AOAH: variants seen among roughly 807,000 people sequenced by gnomAD.
The protein encoded by AOAH is acyloxyacyl hydrolase (neutrophil).
Under a neutral mutation model 92.2 loss-of-function variants are expected in AOAH, and 64 were observed. The observed-to-expected ratio is 0.69, with a 90% CI of 0.57 to 0.86. The LOEUF is 0.86. AOAH is among the 40% of genes least tolerant of loss of function. AOAH has a pLI of 0.00. For missense variants in AOAH, 656 were observed against 694.6 expected, an observed-to-expected ratio of 0.94 and a Z score of 0.62; for synonymous variants, 263 against 254.5, an observed-to-expected ratio of 1.03 and a Z score of -0.32.
chr7:36,540,607 G>GTGT, intron 15 of AOAH, 116 bp from the exon 16 acceptor site: 1 of 949,440 alleles, frequency 1.1e-6, no homozygotes, highest in Non-Finnish European at 1.6e-6. Context: ...CACACAGTGT[G>GTGT]GTGGTCATTG....
At chr7:36,583,293 C>T (rs1309675137) in intron 12 of AOAH, among the ~76,000 whole-genome samples, 5 of 152,134 alleles carry the variant, frequency 3.3e-5, no homozygotes, top group African/African-American at 7.2e-5. Context: ...AGAGACTAGA[C>T]AGGCTTTAAG....
At chr7:36,672,435 T>C (rs1795993203) in intron 3 of AOAH, among the ~76,000 whole-genome samples, 1 of 152,152 alleles carries the variant, frequency 6.6e-6, no homozygotes, top group South Asian at 2.1e-4. Context: ...TGGAATACTA[T>C]GAAGCCATAA....
intron 4 of AOAH, among the ~76,000 whole-genome samples, chr7:36,650,359 A>G (rs1053599977): frequency 6.6e-6 from 1 of 152,162 alleles, no homozygotes; most frequent in Admixed American, 6.5e-5. Flanking sequence ...TGATAAATCA[A>G]TCAGAAAAGG....
intron 6 of AOAH, among the ~76,000 whole-genome samples, chr7:36,625,779 G>A (rs973500263): frequency 2.0e-5 from 3 of 152,164 alleles, no homozygotes; most frequent in Non-Finnish European, 4.4e-5. Context: ...GGGGAATGAA[G>A]CTTCCCGAGT....
In AOAH at chr7:36,632,122, A is replaced by G; in HGVS notation, c.451-16T>C. On this transcript the variant is annotated splice_polypyrimidine_tract_variant and intron_variant, in intron 5 of 20. Coordinates refer to ENST00000617537, the MANE Select transcript of AOAH (RefSeq NM_001637.4). ...TAGAATATTTCTGGGGAGAAAAAAA[A>G]AAACAAAAAGAGAGTTGTTTAGTTT... 6.3e-7 allele frequency: 1 copy of G among 1,599,810 alleles called. No homozygotes were observed. The highest frequency in any genetic ancestry group is 2.2e-5 in the East Asian group (1 of 44,754).
chr7:36,658,762 A>G (rs1257408093), intron 4 of AOAH, among the ~76,000 whole-genome samples: 2 of 152,210 alleles, frequency 1.3e-5, no homozygotes, highest in Non-Finnish European at 2.9e-5. Context: ...AGGGTGACCA[A>G]CTGCCCAGGA....
intron 1 of AOAH, among the ~76,000 whole-genome samples, chr7:36,688,405 A>T (rs1414437852): frequency 6.6e-5 from 10 of 152,204 alleles, no homozygotes; most frequent in Non-Finnish European, 1.5e-4. Flanking sequence ...ATTTAATACA[A>T]GTAAATATTT....
intron 13 of AOAH, among the ~76,000 whole-genome samples, chr7:36,571,701 G>A (rs1476426003): frequency 1.3e-5 from 2 of 152,082 alleles, no homozygotes; most frequent in Non-Finnish European, 2.9e-5. Context: ...TGATACTCCA[G>A]GCCAATTCAG....
chr7:36,673,615 G>A (rs1162419246), intron 3 of AOAH, among the ~76,000 whole-genome samples: 2 of 152,176 alleles, frequency 1.3e-5, no homozygotes, highest in Non-Finnish European at 2.9e-5. Flanking sequence ...AGGGCTGGGA[G>A]TAGGGAGGCG....
chr7:36,577,885 A>G (rs551572759), intron 12 of AOAH, among the ~76,000 whole-genome samples: 70 of 152,324 alleles, frequency 4.6e-4, no homozygotes, highest in Middle Eastern at 6.8e-3. Flanking sequence ...CTTACATACA[A>G]TCACCAATTA....
At chr7:36,622,426 C>A (rs1188764534) in intron 7 of AOAH, among the ~76,000 whole-genome samples, 1 of 152,080 alleles carries the variant, frequency 6.6e-6, no homozygotes, top group Non-Finnish European at 1.5e-5. Context: ...TATAATAATG[C>A]CAGATAATAT....
At chr7:36,570,887 T>C (rs6948404) in intron 13 of AOAH, among the ~76,000 whole-genome samples, 13,568 of 152,280 alleles carry the variant, frequency 0.089, 723 homozygotes, top group Admixed American at 0.14. Flanking sequence ...AAAAGTGTTT[T>C]AGATGTACAA....
intron 12 of AOAH, among the ~76,000 whole-genome samples, chr7:36,589,691 G>C (rs140447032): frequency 6.6e-6 from 1 of 152,306 alleles, no homozygotes; most frequent in East Asian, 1.9e-4. Flanking sequence ...GAATAACACA[G>C]AATGAGCACC....
chr7:36,574,844 C>T (rs1051561268), intron 13 of AOAH, among the ~76,000 whole-genome samples: 9 of 152,286 alleles, frequency 5.9e-5, no homozygotes, highest in South Asian at 4.1e-4. Flanking sequence ...ATCTTTCCTA[C>T]GTATACCTTT....
intron 12 of AOAH, among the ~76,000 whole-genome samples, chr7:36,586,267 C>A (rs1021779326): frequency 6.6e-6 from 1 of 152,152 alleles, no homozygotes; most frequent in Non-Finnish European, 1.5e-5. Context: ...GTTGTACATG[C>A]TCACCCAAGC....
intron 12 of AOAH, among the ~76,000 whole-genome samples, chr7:36,580,022 G>A (rs1017919581): frequency 1.3e-5 from 2 of 152,148 alleles, no homozygotes; most frequent in African/African-American, 2.4e-5. Context: ...TCTTTTGAAA[G>A]CCTATGGTAG....
rs527534686 is a variant in AOAH at position 36,554,892 on chromosome 7, A to G, written c.1022-5417T>C. Among the ~76,000 whole-genome samples the G allele has an allele frequency of 7.1e-3, 1,049 of 148,568 alleles. 11 individuals are homozygous for G. Among genetic ancestry groups the G allele is most frequent in the African/African-American group, 0.025 (1,010 of 39,966 alleles). Reference sequence around the variant, plus strand: ...GCTTAAGGAGATTTTGGGCTGAGACAATGGGGTTTTCTAGATATACAATCA... The same window carrying G: ...GCTTAAGGAGATTTTGGGCTGAGACGATGGGGTTTTCTAGATATACAATCA... On this transcript the variant is annotated intron_variant, in intron 13 of 20. Transcript: ENST00000617537.
At chr7:36,559,612 T>A (rs923926836) in intron 13 of AOAH, among the ~76,000 whole-genome samples, 1 of 152,184 alleles carries the variant, frequency 6.6e-6, no homozygotes, top group African/African-American at 2.4e-5. Flanking sequence ...TTTTTGCTTG[T>A]TCAATTGTTT....
chr7:36,689,701 C>A (rs1358717646), intron 1 of AOAH, among the ~76,000 whole-genome samples: 2 of 152,126 alleles, frequency 1.3e-5, no homozygotes, highest in Non-Finnish European at 2.9e-5. Context: ...GAGGCACTCC[C>A]AAGAGAGAAA....
Sources: gnomAD v4.1 joint callset for allele counts (sites outside exome capture counted in the v4.1 genomes callset) on GRCh38, gnomAD v4.1.1 for gene constraint, MANE v1.5 for transcripts, NCBI Gene and HGNC (gene_info 2026-07-23, HGNC 2026-07-21) for gene names.